CAMK1D: variants seen among roughly 807,000 people sequenced by gnomAD.
CAMK1D encodes the protein calcium/calmodulin dependent protein kinase ID, also known as calcium/calmodulin-dependent protein kinase type 1D.
A neutral mutation model predicts 47.7 loss-of-function variants in CAMK1D; 9 were observed. The ratio of observed to expected loss-of-function variants is 0.19; its 90% confidence interval spans 0.11 to 0.33. CAMK1D has a LOEUF of 0.33. Among genes scored for constraint, CAMK1D ranks in the 10% least tolerant of loss-of-function variants. The pLI, the probability that CAMK1D is intolerant of heterozygous loss-of-function variation, is 1.00. For missense variants in CAMK1D, 291 were observed against 488.7 expected, an observed-to-expected ratio of 0.60 and a Z score of 3.81; for synonymous variants, 184 against 184.9, an observed-to-expected ratio of 0.99 and a Z score of 0.04.
rs552334410 is a variant in CAMK1D, at chr10:12,628,742, G to A, written c.225-37994G>A. Among the ~76,000 whole-genome samples the A allele has an allele frequency of 5.3e-5, 8 of 152,194 alleles. No individual in the cohort carries two copies. In the South Asian group the frequency reaches 8.3e-4, roughly 16 times the overall value. On this transcript the variant is annotated intron_variant, in intron 2 of 10. Coordinates refer to ENST00000619168, the MANE Select transcript of CAMK1D (RefSeq NM_153498.4). ...CACCATCATAGAGGCCTGCAGAATC[G>A]TTTCACTGCTATACAAATCCTGTTT... is the stretch of plus-strand genomic sequence containing the variant.
At chr10:12,822,784 G>A (rs1833060797) in intron 8 of CAMK1D, among the ~76,000 whole-genome samples, 1 of 152,068 alleles carries the variant, frequency 6.6e-6, no homozygotes, top group African/African-American at 2.4e-5. Flanking sequence ...TAATAAAGAT[G>A]TCTCTCATTC....
intron 2 of CAMK1D, among the ~76,000 whole-genome samples, chr10:12,569,789 T>A (rs948901705): frequency 1.1e-4 from 17 of 151,300 alleles, no homozygotes; most frequent in Admixed American, 8.6e-4. Flanking sequence ...AAAAGGAATA[T>A]TTTTAAGTGC....
At chr10:12,670,970 C>A (rs988074682) in intron 3 of CAMK1D, among the ~76,000 whole-genome samples, 2 of 152,194 alleles carry the variant, frequency 1.3e-5, no homozygotes, top group Non-Finnish European at 2.9e-5. Flanking sequence ...ATTCCTCCCT[C>A]CCTTAGTCTC....
chr10:12,378,960 C>A (rs187156337), intron 1 of CAMK1D, among the ~76,000 whole-genome samples: 223 of 152,160 alleles, frequency 1.5e-3, no homozygotes, highest in Middle Eastern at 6.8e-3. Context: ...CAGGCACATA[C>A]CAGCATGCCC....
intron 6 of CAMK1D, among the ~76,000 whole-genome samples, chr10:12,803,140 C>G (rs1174828811): frequency 6.6e-6 from 1 of 152,214 alleles, no homozygotes; most frequent in African/African-American, 2.4e-5. Context: ...TTAAATAAGA[C>G]AATAATATAT....
chr10:12,827,468 GTCTGTCTTTCTT>G (rs1374447371), intron 10 of CAMK1D, among the ~76,000 whole-genome samples: 43 of 3,798 alleles, frequency 0.011, 18 homozygotes, highest in African/African-American at 0.016. Context: ...TTCTTTGTCT[GTCTGTCTTTCTT>G]TCTTTCTTTC....
chr10:12,458,094 G>A (rs1273286999), intron 1 of CAMK1D, among the ~76,000 whole-genome samples: 1 of 152,060 alleles, frequency 6.6e-6, no homozygotes, highest in Non-Finnish European at 1.5e-5. Context: ...GTGGTTGACT[G>A]CATTTCTTAG....
Position 12,831,890 on chromosome 10 carries a change from G to T in CAMK1D, c.*3003G>T, listed in dbSNP as rs1271450915. On this transcript the variant is annotated 3_prime_UTR_variant, in exon 11 of 11. Transcript: ENST00000619168. Reference sequence around the variant, plus strand: ...TCTTATAAAACAGGAAGAGAACCTAGAATGTGCCTTTCGTGAAGGTCTGAC... The same window carrying T: ...TCTTATAAAACAGGAAGAGAACCTATAATGTGCCTTTCGTGAAGGTCTGAC... 2.6e-5 allele frequency: 4 copies of T among 152,208 alleles called. No individual in the cohort carries two copies. Among genetic ancestry groups the T allele is most frequent in the Admixed American group, 2.0e-4 (3 of 15,276 alleles). The allele number at this position is 152,208 out of a possible 1,614,324, so 9.4% of individuals were successfully genotyped here.
At position 12,501,167 on chromosome 10, in the gene CAMK1D, C is replaced by T. The variant is rs12241149; in HGVS notation, c.93-52058C>T. On this transcript the variant is annotated intron_variant, in intron 1 of 10. Transcript: ENST00000619168. ...CAGGGAAAATGGAACTTGGTAGTCCCAGCCTAAGTGGGTTGTAGCAATTTC... is the reference window on the plus strand; with the variant it reads ...CAGGGAAAATGGAACTTGGTAGTCCTAGCCTAAGTGGGTTGTAGCAATTTC... Among the ~76,000 whole-genome samples the T allele has an allele frequency of 9.6e-3, 1,455 of 152,322 alleles. 17 individuals are homozygous for T. The highest frequency in any genetic ancestry group is 0.033 in the African/African-American group (1,384 of 41,560).
At chr10:12,353,619 C>G (rs1837413634) in intron 1 of CAMK1D, among the ~76,000 whole-genome samples, 1 of 152,110 alleles carries the variant, frequency 6.6e-6, no homozygotes, top group African/African-American at 2.4e-5. Context: ...AAGGACTGGG[C>G]TTTGTGGTCT....
chr10:12,655,564 T>A, intron 2 of CAMK1D, among the ~76,000 whole-genome samples: 1 of 152,238 alleles, frequency 6.6e-6, no homozygotes, highest in Non-Finnish European at 1.5e-5. Context: ...AAGGTGAGAA[T>A]TAATTGTTCA....
chr10:12,396,404 T>G (rs985382801), intron 1 of CAMK1D, among the ~76,000 whole-genome samples: 14 of 152,222 alleles, frequency 9.2e-5, no homozygotes, highest in African/African-American at 3.4e-4. Context: ...GTTTTCTCCC[T>G]CTCAGGGCTT....
At chr10:12,747,403 G>C (rs1418997393) in intron 3 of CAMK1D, among the ~76,000 whole-genome samples, 1 of 152,144 alleles carries the variant, frequency 6.6e-6, no homozygotes, top group Non-Finnish European at 1.5e-5. Context: ...ACTCCTGGGT[G>C]TAAACAATCC....
At chr10:12,472,505 G>A (rs995926876) in intron 1 of CAMK1D, among the ~76,000 whole-genome samples, 9 of 151,434 alleles carry the variant, frequency 5.9e-5, no homozygotes, top group Non-Finnish European at 1.0e-4. Flanking sequence ...TCTTCAGTTC[G>A]GCACTCAATT....
At chr10:12,745,527 T>C (rs1381313739) in intron 3 of CAMK1D, among the ~76,000 whole-genome samples, 2 of 152,158 alleles carry the variant, frequency 1.3e-5, no homozygotes, top group Non-Finnish European at 2.9e-5. Flanking sequence ...TACATGAGTT[T>C]TTCAAGTGTT....
At chr10:12,503,904 G>C (rs1309182125) in intron 1 of CAMK1D, among the ~76,000 whole-genome samples, 1 of 152,186 alleles carries the variant, frequency 6.6e-6, no homozygotes, top group Non-Finnish European at 1.5e-5. Context: ...ACTGAGGATA[G>C]TGGGTTTTCC....
chr10:12,696,598 C>T (rs144246206), intron 3 of CAMK1D, among the ~76,000 whole-genome samples: 150 of 152,220 alleles, frequency 9.9e-4, no homozygotes, highest in African/African-American at 3.3e-3. Flanking sequence ...CACAAATAGC[C>T]GTCTCCTTCA....
chr10:12,414,968 GA>G (rs921127880), intron 1 of CAMK1D, among the ~76,000 whole-genome samples: 21 of 151,700 alleles, frequency 1.4e-4, no homozygotes, highest in African/African-American at 4.8e-4. Context: ...ATTTCTTCGG[GA>G]AAAAAAATCT....
At chr10:12,651,936 G>A (rs549633030) in intron 2 of CAMK1D, among the ~76,000 whole-genome samples, 30 of 151,814 alleles carry the variant, frequency 2.0e-4, no homozygotes, top group South Asian at 4.2e-4. Flanking sequence ...CCGCCACCAC[G>A]CCCCGCTAAT....
Sources: gnomAD v4.1 joint callset for allele counts (sites outside exome capture counted in the v4.1 genomes callset) on GRCh38, gnomAD v4.1.1 for gene constraint, MANE v1.5 for transcripts, NCBI Gene and HGNC (gene_info 2026-07-23, HGNC 2026-07-21) for gene names.